Variants in TMEM132D observed in about 807,000 individuals in gnomAD.
TMEM132D encodes mature OL transmembrane protein.
Under a neutral mutation model 62.3 loss-of-function variants are expected in TMEM132D, and 21 were observed. The ratio of observed to expected loss-of-function variants is 0.34; its 90% CI spans 0.24 to 0.49. The LOEUF (loss-of-function observed/expected upper bound fraction) is 0.49. TMEM132D is among the 20% of genes least tolerant of loss of function. The pLI, the probability that TMEM132D is intolerant of heterozygous loss-of-function variation, is 0.99. For synonymous variants in TMEM132D, 621 were observed against 575.6 expected (o/e 1.08, Z -1.13); for missense variants, 1,346 against 1,402.8 (o/e 0.96, Z 0.65).
intron 3 of TMEM132D, among the ~76,000 whole-genome samples, chr12:129,399,224 CA>C (rs1269015551): frequency 6.9e-6 from 1 of 144,410 alleles, no homozygotes; most frequent in Non-Finnish European, 1.5e-5. Context: ...CCCACTTCTG[CA>C]GTAGCTAACC....
At chr12:129,424,274 A>G (rs1872414782) in intron 3 of TMEM132D, among the ~76,000 whole-genome samples, 1 of 152,136 alleles carries the variant, frequency 6.6e-6, no homozygotes, top group Non-Finnish European at 1.5e-5. Context: ...GTTTCTCAAT[A>G]AAGTATTAGT....
intron 4 of TMEM132D, 44 bp downstream of exon 4, chr12:129,337,590 T>TC (rs1327662364): frequency 1.3e-6 from 2 of 1,564,392 alleles, no homozygotes; most frequent in Non-Finnish European, 1.7e-6. Flanking sequence ...CGCCTTCCCC[T>TC]CCCCCGAGTT....
intron 5 of TMEM132D, among the ~76,000 whole-genome samples, chr12:129,201,485 C>T (rs973792578): frequency 6.6e-6 from 1 of 152,198 alleles, no homozygotes; most frequent in Non-Finnish European, 1.5e-5. Context: ...CCAAACTCCT[C>T]ATTGAGTTCA....
At chr12:129,589,254 A>AG in intron 2 of TMEM132D, among the ~76,000 whole-genome samples, 1 of 152,174 alleles carries the variant, frequency 6.6e-6, no homozygotes. Context: ...TGGTTTTATG[A>AG]GGGGCTTCCC....
chr12:129,846,800 G>A (rs184513575), intron 1 of TMEM132D, among the ~76,000 whole-genome samples: 1 of 152,022 alleles, frequency 6.6e-6, no homozygotes, highest in Non-Finnish European at 1.5e-5. Context: ...ATTTTTATTT[G>A]ATTCTTTGTA....
chr12:129,557,789 T>A (rs1877105539), intron 2 of TMEM132D, among the ~76,000 whole-genome samples: 1 of 152,180 alleles, frequency 6.6e-6, no homozygotes, highest in Non-Finnish European at 1.5e-5. Flanking sequence ...GATGGGTAAA[T>A]CTGATTGTGA....
At chr12:129,480,936 C>A (rs1874410624) in intron 3 of TMEM132D, among the ~76,000 whole-genome samples, 1 of 152,184 alleles carries the variant, frequency 6.6e-6, no homozygotes, top group Non-Finnish European at 1.5e-5. Context: ...TGGAGACAAC[C>A]CGGACCCCTT....
chr12:129,579,013 G>A (rs1877766278), intron 2 of TMEM132D, among the ~76,000 whole-genome samples: 2 of 152,072 alleles, frequency 1.3e-5, no homozygotes, highest in Non-Finnish European at 2.9e-5. Flanking sequence ...ACCATCACAG[G>A]GACTTGGTCT....
chr12:129,472,114 A>G (rs972849402), intron 3 of TMEM132D, among the ~76,000 whole-genome samples: 1 of 152,246 alleles, frequency 6.6e-6, no homozygotes, highest in Non-Finnish European at 1.5e-5. Context: ...TGAACTACAG[A>G]TTTGCCATGG....
In TMEM132D at chr12:129,346,253, T is replaced by C. The variant is rs141971177; in HGVS notation, c.1116-8436A>G. Among the ~76,000 whole-genome samples, 973 of 152,340 alleles carry C rather than the reference T, an allele frequency of 6.4e-3. 1 individual carries two copies. Among genetic ancestry groups the C allele is most frequent in the South Asian group, 0.026 (124 of 4,826 alleles). On this transcript the variant is annotated intron_variant, in intron 3 of 8. Coordinates refer to ENST00000422113, the MANE Select transcript of TMEM132D (RefSeq NM_133448.3). ...AGGTGTTTGTAGTATTCTCTGATGG[T>C]AGTTTGTATATCTGTGGGATCAGTG...
At chr12:129,449,676 TCTC>T (rs1362968188) in intron 3 of TMEM132D, among the ~76,000 whole-genome samples, 3 of 152,186 alleles carry the variant, frequency 2.0e-5, no homozygotes, top group African/African-American at 7.2e-5. Context: ...TTTTCCAGCG[TCTC>T]ATTGTGTGAA....
intron 1 of TMEM132D, among the ~76,000 whole-genome samples, chr12:129,874,509 T>C (rs1412801629): frequency 6.6e-6 from 1 of 151,538 alleles, no homozygotes; most frequent in Non-Finnish European, 1.5e-5. Flanking sequence ...CATTTCACAA[T>C]GCATATGTAT....
intron 5 of TMEM132D, among the ~76,000 whole-genome samples, chr12:129,165,199 C>T (rs1261908422): frequency 6.6e-6 from 1 of 152,122 alleles, no homozygotes; most frequent in Non-Finnish European, 1.5e-5. Context: ...ATAGTGGTTG[C>T]CCCTGGAGAG....
intron 2 of TMEM132D, among the ~76,000 whole-genome samples, chr12:129,619,297 C>A (rs991470286): frequency 6.6e-6 from 1 of 152,248 alleles, no homozygotes; most frequent in East Asian, 1.9e-4. Flanking sequence ...TACATACGCT[C>A]AGGAAGAGAA....
At chr12:129,862,699 A>G (rs1382587239) in intron 1 of TMEM132D, among the ~76,000 whole-genome samples, 2 of 152,210 alleles carry the variant, frequency 1.3e-5, no homozygotes, top group Admixed American at 6.5e-5. Context: ...TTAAGAGCGG[A>G]CACAAGTATA....
chr12:129,593,791 C>T (rs369936821), intron 2 of TMEM132D, among the ~76,000 whole-genome samples: 343 of 152,260 alleles, frequency 2.3e-3, no homozygotes, highest in South Asian at 4.3e-3. Flanking sequence ...CAGAGAAATG[C>T]AGCTGGCATC....
At chr12:129,342,109 C>G (rs1023592805) in intron 3 of TMEM132D, among the ~76,000 whole-genome samples, 1 of 152,148 alleles carries the variant, frequency 6.6e-6, no homozygotes, top group Non-Finnish European at 1.5e-5. Context: ...AAAGAGCCAG[C>G]ATCGCCAAGT....
intron 4 of TMEM132D, among the ~76,000 whole-genome samples, chr12:129,325,685 C>A (rs773609521): frequency 2.6e-5 from 4 of 152,154 alleles, no homozygotes; most frequent in Non-Finnish European, 5.9e-5. Context: ...ATTTTAGATG[C>A]TATGGAGTGA....
intron 1 of TMEM132D, 130 bp from the exon 2 acceptor site, chr12:129,700,828 A>T: frequency 9.5e-7 from 1 of 1,050,556 alleles, no homozygotes; most frequent in Non-Finnish European, 1.3e-6. Flanking sequence ...TCCTTATCCA[A>T]ACCTCTTAAT....
Sources: gnomAD v4.1 joint callset for allele counts (sites outside exome capture counted in the v4.1 genomes callset) on GRCh38, gnomAD v4.1.1 for gene constraint, MANE v1.5 for transcripts, NCBI Gene and HGNC (gene_info 2026-07-23, HGNC 2026-07-21) for gene names.